FAM114A1: variants seen among roughly 807,000 people sequenced by gnomAD.
The protein encoded by FAM114A1 is protein NOXP20.
Under a neutral mutation model 64.3 loss-of-function variants are expected in FAM114A1, and 62 were observed. The observed-to-expected ratio is 0.96, with a 90% CI of 0.79 to 1.19. The LOEUF (loss-of-function observed/expected upper bound fraction) is 1.19, where lower values mean the gene tolerates loss of function less well. FAM114A1 is among the 50% of genes most tolerant of loss of function. FAM114A1 has a pLI of 0.00. For synonymous variants in FAM114A1, 254 were observed against 251.1 expected (o/e 1.01, Z -0.11); for missense variants, 645 against 676.3 (o/e 0.95, Z 0.51).
chr4:38,899,974 C>T (rs1044711230), intron 4 of FAM114A1, among the ~76,000 whole-genome samples: 3 of 152,038 alleles, frequency 2.0e-5, no homozygotes, highest in East Asian at 1.9e-4. Context: ...TTGCTTATTA[C>T]GTTACTGGAA....
chr4:38,901,202 C>G (rs964774654), intron 4 of FAM114A1, among the ~76,000 whole-genome samples: 4 of 152,182 alleles, frequency 2.6e-5, no homozygotes, highest in Non-Finnish European at 5.9e-5. Context: ...ATTGAGCTAT[C>G]CAGTCATCCA....
intron 13 of FAM114A1, among the ~76,000 whole-genome samples, chr4:38,936,034 T>C (rs1331600355): frequency 6.6e-6 from 1 of 152,102 alleles, no homozygotes; most frequent in African/African-American, 2.4e-5. Flanking sequence ...TTTTCAAACC[T>C]CTGTGGCCCT....
At chr4:38,872,883 G>A (rs1207238410) in intron 2 of FAM114A1, among the ~76,000 whole-genome samples, 1 of 152,226 alleles carries the variant, frequency 6.6e-6, no homozygotes, top group African/African-American at 2.4e-5. Flanking sequence ...ATAAAACTGT[G>A]TTTACCAAAA....
chr4:38,898,971 A>G lies in FAM114A1; in HGVS notation c.437-6551A>G, dbSNP rs970676750. On this transcript the variant is annotated intron_variant, in intron 4 of 14. Transcript: ENST00000358869. Reference sequence around the variant, plus strand: ...ATGTTATATATTATATATGTAATATATATGTTATATATGTAATATATGTTA... The same window carrying G: ...ATGTTATATATTATATATGTAATATGTATGTTATATATGTAATATATGTTA... Among the ~76,000 whole-genome samples the G allele has an allele frequency of 3.7e-5, 4 of 107,094 alleles. No homozygotes were observed. In the South Asian group the frequency reaches 1.4e-3, roughly 37 times the overall value. The allele number at this position is 107,094 out of a possible 152,430, so 70.3% of individuals were successfully genotyped here.
At chr4:38,886,586 G>C (rs1047077819) in intron 3 of FAM114A1, among the ~76,000 whole-genome samples, 7 of 152,042 alleles carry the variant, frequency 4.6e-5, no homozygotes, top group Non-Finnish European at 1.0e-4. Context: ...TTAAGATAGA[G>C]GAATCATGTG....
chr4:38,885,834 G>A (rs947747780), intron 3 of FAM114A1, among the ~76,000 whole-genome samples: 5 of 152,162 alleles, frequency 3.3e-5, no homozygotes, highest in Admixed American at 6.6e-5. Context: ...CACTTGGATT[G>A]TAGGTTAATT....
chr4:38,921,924 ATGTT>A (rs1304836612), intron 8 of FAM114A1, among the ~76,000 whole-genome samples: 4 of 152,158 alleles, frequency 2.6e-5, no homozygotes, highest in South Asian at 2.1e-4. Flanking sequence ...ATATGGATGC[ATGTT>A]TGTTTATTTA....
In FAM114A1 at chr4:38,931,444, T is replaced by G; in HGVS notation, c.1162-7T>G. 1 of 1,598,994 alleles carries G rather than the reference T, an allele frequency of 6.3e-7. No individual in the cohort carries two copies. Among genetic ancestry groups the G allele is most frequent in the Non-Finnish European group, 8.5e-7 (1 of 1,175,726 alleles). ...TAAAAGGATTGTTTGGTTGGGGACC[T>G]CTGCAGGCCATGAAGAGGGCTCATG... On this transcript the variant is annotated splice_region_variant and splice_polypyrimidine_tract_variant and intron_variant, in intron 10 of 14. Coordinates refer to ENST00000358869, the MANE Select transcript of FAM114A1 (RefSeq NM_138389.4).
chr4:38,898,450 C>A (rs1261384326), intron 4 of FAM114A1, among the ~76,000 whole-genome samples: 1 of 152,162 alleles, frequency 6.6e-6, no homozygotes, highest in African/African-American at 2.4e-5. Flanking sequence ...GAGAAATCAT[C>A]ACCGTATAAA....
intron 4 of FAM114A1, among the ~76,000 whole-genome samples, chr4:38,897,497 C>T (rs557391573): frequency 1.3e-5 from 2 of 152,258 alleles, no homozygotes; most frequent in African/African-American, 4.8e-5. Context: ...CAAAATCAAA[C>T]ATTTTTCAGC....
intron 4 of FAM114A1, among the ~76,000 whole-genome samples, chr4:38,896,873 T>G (rs772608467): frequency 6.6e-6 from 1 of 152,202 alleles, no homozygotes; most frequent in Non-Finnish European, 1.5e-5. Flanking sequence ...ACATGTTCAA[T>G]TGCAATTGAT....
intron 4 of FAM114A1, among the ~76,000 whole-genome samples, chr4:38,894,284 A>G (rs1301876948): frequency 6.6e-6 from 1 of 151,942 alleles, no homozygotes; most frequent in African/African-American, 2.4e-5. Context: ...TTGCTCTTAA[A>G]GTTTCTCTGT....
chr4:38,933,350 A>G (rs952911415), intron 12 of FAM114A1, among the ~76,000 whole-genome samples: 2 of 152,214 alleles, frequency 1.3e-5, no homozygotes, highest in African/African-American at 4.8e-5. Context: ...ATATACATGA[A>G]TAGAGAAAGG....
At chr4:38,910,385 T>A (rs560988821) in intron 7 of FAM114A1, among the ~76,000 whole-genome samples, 1 of 152,314 alleles carries the variant, frequency 6.6e-6, no homozygotes, top group South Asian at 2.1e-4. Context: ...GCAGCATGAA[T>A]ATTCCTGCTC....
intron 6 of FAM114A1, among the ~76,000 whole-genome samples, chr4:38,907,453 C>T: frequency 6.6e-6 from 1 of 152,218 alleles, no homozygotes; most frequent in East Asian, 1.9e-4. Context: ...ACACAAATCC[C>T]TGTGTCCTTT....
chr4:38,922,765 T>A lies in FAM114A1; in HGVS notation c.946-5T>A. On this transcript the variant is annotated splice_region_variant and splice_polypyrimidine_tract_variant and intron_variant, in intron 8 of 14. Transcript: ENST00000358869. ...ACAGTCGTGCTGACCTATTTCTTTT[T>A]TCAGGTTCAGTCATTTTTAGCATCA... The A allele has an allele frequency of 1.9e-6, 3 of 1,607,428 alleles. No homozygotes were observed. Among genetic ancestry groups the A allele is most frequent in the Non-Finnish European group, 2.5e-6 (3 of 1,178,292 alleles).
chr4:38,907,857 G>A (rs570517751), intron 6 of FAM114A1, among the ~76,000 whole-genome samples: 26 of 152,242 alleles, frequency 1.7e-4, no homozygotes, highest in African/African-American at 6.3e-4. Flanking sequence ...GCAAAGACAT[G>A]TATGCAGTTC....
chr4:38,940,863 T>C, intron 13 of FAM114A1, 105 bp from the exon 14 acceptor site: 1 of 1,192,794 alleles, frequency 8.4e-7, no homozygotes, highest in South Asian at 1.3e-5. Context: ...CCCCTCCTCT[T>C]CCTCTGCAAG....
chr4:38,919,083 G>A (rs1429007253), intron 8 of FAM114A1, among the ~76,000 whole-genome samples: 1 of 151,468 alleles, frequency 6.6e-6, no homozygotes, highest in Non-Finnish European at 1.5e-5. Context: ...AACCTGGGGG[G>A]CGGAGGTTGT....
Sources: allele counts gnomAD v4.1 joint callset (sites outside exome capture counted in the v4.1 genomes callset), GRCh38; gene constraint gnomAD v4.1.1; transcripts MANE v1.5; gene names NCBI Gene and HGNC (gene_info 2026-07-23, HGNC 2026-07-21).